ADCY9: variants seen among roughly 807,000 people sequenced by gnomAD.
ADCY9 encodes the protein adenylate cyclase 9, also known as adenylate cyclase type 9.
In ADCY9, 50 loss-of-function variants were observed where a neutral mutation model predicts 101.5. That is an observed-to-expected ratio of 0.49 (90% CI 0.39 to 0.62). The LOEUF is 0.62. Among genes scored for constraint, ADCY9 ranks in the 20% least tolerant of loss-of-function variants. ADCY9 has a pLI of 0.00. For synonymous variants in ADCY9, 905 were observed against 769.3 expected (o/e 1.18, Z -2.92); for missense variants, 1,662 against 1,800.4 (o/e 0.92, Z 1.39).
rs1292644968 is a variant in ADCY9 at position 3,963,562 on chromosome 16, A to T, written c.*2213T>A. 9 of 379,264 alleles carry T rather than the reference A, an allele frequency of 2.4e-5. No individual in the cohort carries two copies. Among genetic ancestry groups the T allele is most frequent in the Non-Finnish European group, 3.3e-5 (7 of 214,224 alleles). 23.5% of individuals were successfully genotyped at this position (379,264 alleles called of 1,614,324 possible). On this transcript the variant is annotated 3_prime_UTR_variant, in exon 11 of 11. Transcript: ENST00000294016. ...GGGGCTGAACCAGACTCCACTTTGCAGCTCCTTGGTTTCCCGGGGTGAGGA... is the reference window on the plus strand; with the variant it reads ...GGGGCTGAACCAGACTCCACTTTGCTGCTCCTTGGTTTCCCGGGGTGAGGA...
At chr16:3,969,681 C>T (rs1397519076) in intron 10 of ADCY9, among the ~76,000 whole-genome samples, 2 of 139,910 alleles carry the variant, frequency 1.4e-5, no homozygotes, top group Non-Finnish European at 3.1e-5. Context: ...GTGGTGCGAT[C>T]CTAGCTCACT....
chr16:4,052,278 T>G (rs1007519073), intron 2 of ADCY9, among the ~76,000 whole-genome samples: 1 of 152,202 alleles, frequency 6.6e-6, no homozygotes, highest in Non-Finnish European at 1.5e-5. Context: ...GCGCCTGTGG[T>G]CCTGGGCGGG....
chr16:3,959,054 G>A (rs1441168882), downstream of ADCY9, among the ~76,000 whole-genome samples: 1 of 151,866 alleles, frequency 6.6e-6, no homozygotes, highest in African/African-American at 2.4e-5. Flanking sequence ...TAGGGTTGAC[G>A]TTAACAGCCC....
intron 2 of ADCY9, among the ~76,000 whole-genome samples, chr16:4,021,454 C>A (rs192113454): frequency 1.4e-3 from 209 of 152,364 alleles, no homozygotes; most frequent in Middle Eastern, 3.4e-3. Flanking sequence ...CAGGTCCCTA[C>A]TGCCTCGGGA....
rs1173019018 is a variant in ADCY9, at chr16:3,992,344, G to T, written c.2009C>A (p.Pro670His). 2 of 1,613,898 alleles carry T rather than the reference G, an allele frequency of 1.2e-6. No homozygotes were observed. Among genetic ancestry groups the T allele is most frequent in the Non-Finnish European group, 1.7e-6 (2 of 1,179,988 alleles). Residue 670 changes from proline to histidine, a missense_variant, in exon 5 of 11, where the codon CCC becomes CAC. Physicochemically the swap from Pro to His is moderately conservative, Grantham distance 77. Around this residue, in one of 5 missense-constraint regions of ADCY9, gnomAD observed 624 missense variants for 639.1 expected, o/e 0.98. Transcript: ENST00000294016. This position sits in a 1 kb window ranked among gnomAD's most constrained non-coding sequence, Gnocchi z 4.2. ...NSTKASGGPN[P>H]KTQNGLLSPP... ...GCTGAGGAGCCCGTTCTGAGTTTTG[G>T]GATTAGGTCCTCCAGAAGCCTGCCT...
chr16:4,104,444 T>A lies in ADCY9; in HGVS notation c.1693+9306A>T, dbSNP rs117736205. ...ATATTGCAACTAACATTTAAGAAAC[T>A]ACCACTCAAAATAAAAAATCAGCGG... On this transcript the variant is annotated intron_variant, in intron 2 of 10. Coordinates refer to ENST00000294016, the MANE Select transcript of ADCY9 (RefSeq NM_001116.4). 2.1e-3 allele frequency among the ~76,000 whole-genome samples: 319 copies of A among 152,252 alleles called. 4 individuals are homozygous for A. Among genetic ancestry groups the A allele is most frequent in the Non-Finnish European group, 3.9e-3 (265 of 68,008 alleles).
chr16:4,027,796 G>A (rs2056527426), intron 2 of ADCY9, among the ~76,000 whole-genome samples: 1 of 151,300 alleles, frequency 6.6e-6, no homozygotes, highest in African/African-American at 2.4e-5. Flanking sequence ...AGAATCGCTT[G>A]AACCCAGGAG....
At chr16:4,050,571 G>A (rs184086544) in intron 2 of ADCY9, among the ~76,000 whole-genome samples, 125 of 151,852 alleles carry the variant, frequency 8.2e-4, no homozygotes, top group South Asian at 5.6e-3. Context: ...AAAATTAGCC[G>A]GACGTGGTGG....
chr16:4,106,844 T>A (rs906809945), intron 2 of ADCY9, among the ~76,000 whole-genome samples: 2 of 152,180 alleles, frequency 1.3e-5, no homozygotes, highest in Non-Finnish European at 2.9e-5. Flanking sequence ...TGCAGAAACA[T>A]AATTACTATC....
Position 4,063,654 on chromosome 16 carries a change from G to A in ADCY9, c.1693+50096C>T, listed in dbSNP as rs148763217. On this transcript the variant is annotated intron_variant, in intron 2 of 10. Transcript: ENST00000294016. ...TTGAGCCTGGAAGGTGGAAGCTGCA[G>A]TGAGCCAGTATCGCACCACTGCACT... 9.1e-4 allele frequency among the ~76,000 whole-genome samples: 139 copies of A among 151,956 alleles called. 1 individual carries two copies. The highest frequency in any genetic ancestry group is 3.3e-3 in the African/African-American group (136 of 41,486).
rs376579782 is a variant in ADCY9, at chr16:4,069,517, T to G, written c.1693+44233A>C. On this transcript the variant is annotated intron_variant, in intron 2 of 10. Coordinates refer to ENST00000294016, the MANE Select transcript of ADCY9 (RefSeq NM_001116.4). ...AAAGGTTGGAAGAACAACGAATAAA[T>G]AGAATATATTCTATGAACAATGAAT... is the stretch of plus-strand genomic sequence containing the variant. 4.3e-4 allele frequency among the ~76,000 whole-genome samples: 66 copies of G among 152,178 alleles called. No individual in the cohort carries two copies. In the South Asian group the frequency reaches 0.013, roughly 31 times the overall value.
intron 2 of ADCY9, among the ~76,000 whole-genome samples, chr16:4,007,807 A>G (rs942890296): frequency 6.6e-6 from 1 of 151,904 alleles, no homozygotes; most frequent in Non-Finnish European, 1.5e-5. Flanking sequence ...TGCATGTTTC[A>G]TGTTTTACCT....
intron 2 of ADCY9, among the ~76,000 whole-genome samples, chr16:4,035,263 G>C (rs930640752): frequency 2.0e-5 from 3 of 152,172 alleles, no homozygotes; most frequent in African/African-American, 7.2e-5. Context: ...GGGAACCAGT[G>C]TCAGAATTCT....
intron 2 of ADCY9, among the ~76,000 whole-genome samples, chr16:4,049,649 C>T (rs1022364846): frequency 2.0e-5 from 3 of 152,152 alleles, no homozygotes; most frequent in South Asian, 2.1e-4. Flanking sequence ...ACTCACCTCC[C>T]GCCTCCAACC....
At chr16:4,034,902 G>A (rs2141758346) in intron 2 of ADCY9, among the ~76,000 whole-genome samples, 1 of 152,314 alleles carries the variant, frequency 6.6e-6, no homozygotes, top group African/African-American at 2.4e-5. Flanking sequence ...ACCAGGTAGA[G>A]AAGGAGAAGA....
chr16:4,018,338 G>A (rs1338819926), intron 2 of ADCY9, among the ~76,000 whole-genome samples: 1 of 151,434 alleles, frequency 6.6e-6, no homozygotes, highest in African/African-American at 2.4e-5. Context: ...ACAGCCTCCT[G>A]AGTAGCTGGG....
intron 2 of ADCY9, among the ~76,000 whole-genome samples, chr16:4,075,749 G>C (rs1203941666): frequency 3.9e-5 from 6 of 152,298 alleles, no homozygotes; most frequent in African/African-American, 1.2e-4. Context: ...GGGGCAGCGG[G>C]GGGGCCAGGC....
At chr16:4,092,068 A>G (rs2056976954) in intron 2 of ADCY9, among the ~76,000 whole-genome samples, 1 of 152,256 alleles carries the variant, frequency 6.6e-6, no homozygotes, top group African/African-American at 2.4e-5. Context: ...CAGGAGTACA[A>G]GGCCAGCCTG....
At chr16:3,969,599 TATATATATATG>T in intron 10 of ADCY9, among the ~76,000 whole-genome samples, 1 of 98,034 alleles carries the variant, frequency 1.0e-5, no homozygotes. Flanking sequence ...TATATATATA[TATATATATATG>T]TATTTTTTTT....
Sources: gnomAD v4.1 joint callset for allele counts (sites outside exome capture counted in the v4.1 genomes callset) on GRCh38, gnomAD v4.1.1 for gene constraint, gnomAD v4.1.1 regional missense constraint, Gnocchi (gnomAD v3.1) non-coding constraint, MANE v1.5 for transcripts, NCBI Gene and HGNC (gene_info 2026-07-23, HGNC 2026-07-21) for gene names.